Variants in MADD observed in about 807,000 individuals in gnomAD.
MADD encodes MAP kinase activating death domain, also known as MAP kinase-activating death domain protein.
In MADD, 109 loss-of-function variants were observed where a neutral mutation model predicts 176.7. That is an observed-to-expected ratio of 0.62 (90% CI 0.53 to 0.72). MADD has a LOEUF of 0.72. Ranked by LOEUF, MADD falls within the 30% of genes least tolerant of loss-of-function variation. The probability of loss-of-function intolerance (pLI) is 0.00; values close to 1 mark genes in which losing one functional copy is unlikely to be tolerated. For missense variants in MADD, 1,914 were observed against 2,045.5 expected (o/e 0.94, Z 1.24); for synonymous variants, 771 against 771.3 (o/e 1.00, Z 0.01).
chr11:47,293,304 CTT>C (rs796151719), intron 19 of MADD, among the ~76,000 whole-genome samples: 25 of 138,792 alleles, frequency 1.8e-4, no homozygotes, highest in Non-Finnish European at 1.9e-4. Context: ...TGGAGCTTTT[CTT>C]TTTTTTTTTT....
intron 1 of MADD, among the ~76,000 whole-genome samples, chr11:47,270,503 G>A (rs1474385190): frequency 6.7e-6 from 1 of 149,776 alleles, no homozygotes; most frequent in Non-Finnish European, 1.5e-5. Context: ...GGTTCGGGGC[G>A]GGGGCGGGGG....
chr11:47,307,645 C>CTT (rs1159637532), intron 22 of MADD, among the ~76,000 whole-genome samples: 3 of 142,352 alleles, frequency 2.1e-5, no homozygotes, highest in African/African-American at 2.6e-5. Flanking sequence ...AGTTGAAAAT[C>CTT]TTTTTTTTTT....
chr11:47,277,000 T>G, intron 5 of MADD, 137 bp downstream of exon 5: 1 of 1,093,618 alleles, frequency 9.1e-7, no homozygotes, highest in Non-Finnish European at 1.3e-6. Context: ...TCTGACTGAT[T>G]TGAACTGATC....
chr11:47,283,314 C>T (rs1432702012), intron 10 of MADD, among the ~76,000 whole-genome samples: 2 of 151,760 alleles, frequency 1.3e-5, no homozygotes, highest in East Asian at 3.9e-4. Flanking sequence ...AGGATGATCT[C>T]GATCTCCTGA....
intron 4 of MADD, 140 bp from the exon 5 acceptor site, chr11:47,276,592 T>C (rs749152993): frequency 1.7e-5 from 16 of 949,130 alleles, no homozygotes; most frequent in African/African-American, 3.3e-5. Context: ...GCAGGCATGG[T>C]GGGGCAGGGG....
At chr11:47,304,781 T>C (rs1329433306) in intron 22 of MADD, among the ~76,000 whole-genome samples, 1 of 152,236 alleles carries the variant, frequency 6.6e-6, no homozygotes, top group Non-Finnish European at 1.5e-5. Flanking sequence ...GTTATTATGT[T>C]CCTGTGGTGG....
At chr11:47,296,773 T>TC (rs1488172646) in intron 22 of MADD, among the ~76,000 whole-genome samples, 12 of 149,834 alleles carry the variant, frequency 8.0e-5, no homozygotes, top group South Asian at 2.1e-4. Context: ...TGTTTTTTTT[T>TC]TTTTTTTTTT....
At chr11:47,294,297 G>A (rs933110658) in intron 20 of MADD, among the ~76,000 whole-genome samples, 5 of 150,944 alleles carry the variant, frequency 3.3e-5, no homozygotes, top group South Asian at 2.1e-4. Context: ...GTGGTGAGCC[G>A]AGATTGTGCT....
chr11:47,286,598 A>G, intron 15 of MADD, 64 bp downstream of exon 15: 3 of 1,251,106 alleles, frequency 2.4e-6, no homozygotes, highest in Non-Finnish European at 2.3e-6. Context: ...CTGTGGGTTC[A>G]TGTCAGGAGC....
chr11:47,321,551 TAA>T (rs2094474040), intron 27 of MADD, among the ~76,000 whole-genome samples: 1 of 152,134 alleles, frequency 6.6e-6, no homozygotes, highest in South Asian at 2.1e-4. Context: ...ATCAGATAAT[TAA>T]AGAGTATTAT....
At chr11:47,294,693 AT>A (rs1187744411) in intron 20 of MADD, among the ~76,000 whole-genome samples, 35 of 149,038 alleles carry the variant, frequency 2.3e-4, no homozygotes, top group South Asian at 2.1e-3. Flanking sequence ...AAAAAAAAAA[AT>A]GAACAACCTC....
exon 8 of MADD, chr11:47,281,613 C>A: frequency 6.2e-7 from 1 of 1,612,120 alleles, no homozygotes; most frequent in African/African-American, 1.3e-5. Flanking sequence ...AGCCCATCCT[C>A]AATCTGGAGA....
intron 3 of MADD, 102 bp downstream of exon 3, chr11:47,275,261 C>G: frequency 1.0e-6 from 1 of 971,862 alleles, no homozygotes; most frequent in Non-Finnish European, 1.5e-6. Context: ...CAAGGTCCTT[C>G]AGACCTATTA....
intron 19 of MADD, among the ~76,000 whole-genome samples, chr11:47,291,660 T>G (rs2065408107): frequency 6.6e-6 from 1 of 152,176 alleles, no homozygotes; most frequent in Admixed American, 6.5e-5. Context: ...CTCCTGGCTT[T>G]CTCCTGCCTC....
intron 7 of MADD, 73 bp downstream of exon 7, chr11:47,279,152 C>T: frequency 7.1e-7 from 1 of 1,416,966 alleles, no homozygotes; most frequent in Non-Finnish European, 9.8e-7. Context: ...CAGCTATTCT[C>T]AGAGCCAATT....
rs758918189 is a variant in MADD at position 47,281,695 on chromosome 11, A to G, written c.1411A>G (p.Thr471Ala). The G allele has an allele frequency of 1.2e-5, 19 of 1,613,406 alleles. No individual in the cohort carries two copies. The South Asian group carries it at 1.3e-4, about 11-fold the overall frequency. The change falls in exon 8 of 33, where the codon ACT becomes GCT. Residue 471 changes from threonine (T) to alanine (A), a missense_variant. This residue lies in a region of MADD where 1,767 missense variants were observed against 1,836.0 expected (regional missense o/e 0.96). Transcript: ENST00000402192. ...TAATGACCTGCAGTCCACACCGTCCACTGAATTCAACCCACTCATCTATGG... is the reference window on the plus strand; with the variant it reads ...TAATGACCTGCAGTCCACACCGTCCGCTGAATTCAACCCACTCATCTATGG...
intron 31 of MADD, chr11:47,328,315 C>T (rs960013873): frequency 2.2e-5 from 27 of 1,203,990 alleles, no homozygotes; most frequent in Non-Finnish European, 2.7e-5. Flanking sequence ...CACTGCAGCT[C>T]CTCAGGGGCC....
chr11:47,270,127 C>G (rs1033203635), upstream of MADD: 2 of 152,006 alleles, frequency 1.3e-5, no homozygotes, highest in Non-Finnish European at 2.9e-5. Context: ...GTGGTGCGTG[C>G]CCCCCAGTGC....
In MADD at chr11:47,284,499, A is replaced by G. The variant is rs1238016930; in HGVS notation, c.2091A>G (p.Pro697=). 5.0e-6 allele frequency: 8 copies of G among 1,614,058 alleles called. No individual in the cohort carries two copies. The East Asian group carries it at 1.8e-4, about 36-fold the overall frequency. ...GTGAGAACTCTCAGGAAAACCCCCC[A>G]CTGCGCTCCAGCTCTAGCACCACAG... The change falls in exon 12 of 33, where the codon CCA becomes CCG. Residue 697 remains proline (P), a synonymous_variant. Transcript: ENST00000402192.
Sources: allele counts gnomAD v4.1 joint callset (sites outside exome capture counted in the v4.1 genomes callset), GRCh38; gene constraint gnomAD v4.1.1; regional missense constraint gnomAD v4.1.1; transcripts MANE v1.5; gene names NCBI Gene and HGNC (gene_info 2026-07-23, HGNC 2026-07-21).